VPS13B: variants seen among roughly 807,000 people sequenced by gnomAD.
The protein encoded by VPS13B is intermembrane lipid transfer protein VPS13B.
VPS13B carries 285 observed loss-of-function variants against 426.4 expected under a neutral mutation model. The ratio of observed to expected loss-of-function variants is 0.67; its 90% CI spans 0.61 to 0.74. The LOEUF (loss-of-function observed/expected upper bound fraction) is 0.74. Among genes scored for constraint, VPS13B ranks in the 30% least tolerant of loss-of-function variants. The pLI, the probability that VPS13B is intolerant of heterozygous loss-of-function variation, is 0.00. For missense variants in VPS13B, 4,537 were observed against 4,782.6 expected (o/e 0.95, Z 1.51); for synonymous variants, 1,676 against 1,676.4 (o/e 1.00, Z 0.01).
At position 99,440,299 on chromosome 8, in the gene VPS13B, T is replaced by C. The variant is rs564436828; in HGVS notation, c.3211-2102T>C. On this transcript the variant is annotated intron_variant, in intron 22 of 61. Coordinates refer to ENST00000357162, the MANE Select transcript of VPS13B (RefSeq NM_152564.5). ...GGCTCAGAGGGTCCCAACCAGATGG[T>C]TTCCATGAACATGATCTGACCCCCA... Among the ~76,000 whole-genome samples, 55 of 152,182 alleles carry C rather than the reference T, an allele frequency of 3.6e-4. No individual in the cohort carries two copies. In the South Asian group the frequency reaches 0.011, roughly 30 times the overall value.
At chr8:99,305,270 A>T (rs1215338817) in intron 19 of VPS13B, among the ~76,000 whole-genome samples, 1 of 152,170 alleles carries the variant, frequency 6.6e-6, no homozygotes, top group African/African-American at 2.4e-5. Context: ...GGTGGATCAA[A>T]AATGTTCAGG....
intron 16 of VPS13B, 82 bp from the exon 17 acceptor site, chr8:99,192,794 C>A: frequency 6.7e-7 from 1 of 1,490,062 alleles, no homozygotes; most frequent in African/African-American, 1.4e-5. Context: ...CCCTTTCTTC[C>A]CTTGCAACCT....
chr8:99,585,302 A>G (rs2133826193), intron 33 of VPS13B, among the ~76,000 whole-genome samples: 1 of 152,334 alleles, frequency 6.6e-6, no homozygotes, highest in South Asian at 2.1e-4. Context: ...GGTATGACAT[A>G]GAAGAAATGG....
chr8:99,604,984 AC>A (rs1179708376), intron 33 of VPS13B, among the ~76,000 whole-genome samples: 1 of 152,222 alleles, frequency 6.6e-6, no homozygotes, highest in Non-Finnish European at 1.5e-5. Context: ...ACTCTCAAAA[AC>A]ATTTAAAAAT....
intron 21 of VPS13B, among the ~76,000 whole-genome samples, chr8:99,403,314 C>A (rs1484290588): frequency 6.6e-6 from 1 of 151,996 alleles, no homozygotes; most frequent in African/African-American, 2.4e-5. Flanking sequence ...TTTAAGAGGT[C>A]GAGGTGGGCA....
chr8:99,260,823 A>G (rs1052349002), intron 17 of VPS13B, among the ~76,000 whole-genome samples: 1 of 152,058 alleles, frequency 6.6e-6, no homozygotes, highest in Non-Finnish European at 1.5e-5. Context: ...TTAATTTTCT[A>G]TTTCTAGTCT....
intron 19 of VPS13B, among the ~76,000 whole-genome samples, chr8:99,309,214 T>C (rs375119168): frequency 6.6e-6 from 1 of 152,340 alleles, no homozygotes; most frequent in East Asian, 1.9e-4. Context: ...TTTTGGCTTT[T>C]GTTGCCATTG....
At position 99,096,300 on chromosome 8, in the gene VPS13B, A is replaced by G; in HGVS notation, c.292-12A>G. 1 of 1,613,444 alleles carries G rather than the reference A, an allele frequency of 6.2e-7. No homozygotes were observed. The highest frequency in any genetic ancestry group is 1.3e-5 in the African/African-American group (1 of 74,978). ...CGATGGTTTTCTTTTTCTTTCTTTA[A>G]AATAAAAATAGGATGACCATGAAAG... On this transcript the variant is annotated splice_polypyrimidine_tract_variant and intron_variant, in intron 3 of 61. Coordinates refer to ENST00000357162, the MANE Select transcript of VPS13B (RefSeq NM_152564.5).
chr8:99,817,223 C>T (rs1396632002), intron 44 of VPS13B, among the ~76,000 whole-genome samples: 1 of 151,552 alleles, frequency 6.6e-6, no homozygotes, highest in African/African-American at 2.4e-5. Context: ...CTATCTTCTG[C>T]TTGTGCATGT....
At chr8:99,196,791 C>CT (rs984408861) in intron 17 of VPS13B, among the ~76,000 whole-genome samples, 8 of 151,948 alleles carry the variant, frequency 5.3e-5, no homozygotes, top group Admixed American at 2.0e-4. Flanking sequence ...AATTTAACTT[C>CT]TTTTTTTTCT....
intron 19 of VPS13B, among the ~76,000 whole-genome samples, chr8:99,338,179 T>A (rs571340658): frequency 6.6e-6 from 1 of 152,218 alleles, no homozygotes; most frequent in South Asian, 2.1e-4. Context: ...GTACTATGTG[T>A]TTTTTGTTTT....
At chr8:99,083,805 G>A (rs747239615) in intron 3 of VPS13B, among the ~76,000 whole-genome samples, 28 of 134,422 alleles carry the variant, frequency 2.1e-4, no homozygotes, top group Non-Finnish European at 4.2e-4. Flanking sequence ...CAGGGATGAA[G>A]CCAACTTCAT....
chr8:99,096,336 A>G lies in VPS13B; in HGVS notation c.316A>G (p.Asn106Asp). The G allele has an allele frequency of 1.2e-6, 2 of 1,614,104 alleles. No individual in the cohort carries two copies. The highest frequency in any genetic ancestry group is 1.7e-6 in the Non-Finnish European group (2 of 1,179,968). Residue 106 changes from asparagine to aspartate, a missense_variant, in exon 4 of 62, where the codon AAT becomes GAT. Physicochemically the swap from Asn to Asp is conservative, Grantham distance 23 (BLOSUM62 1). Transcript: ENST00000357162. ...GGATGACCATGAAAGCTGTGGTTCT[A>G]ATTCTACCAACCGTAGTACTGCTGA... ...IQDDHESCGS[N>D]STNRSTAEST...
chr8:99,047,267 C>G (rs1843284542), intron 3 of VPS13B, among the ~76,000 whole-genome samples: 1 of 151,996 alleles, frequency 6.6e-6, no homozygotes, highest in South Asian at 2.1e-4. Context: ...AAGGTTTTAT[C>G]TTTTCAGGGA....
At chr8:99,784,749 C>CTG (rs1187984752) in intron 43 of VPS13B, among the ~76,000 whole-genome samples, 1 of 152,104 alleles carries the variant, frequency 6.6e-6, no homozygotes, top group East Asian at 1.9e-4. Flanking sequence ...TGGATCCTAG[C>CTG]TGTGTGTAAC....
At chr8:99,809,908 A>C (rs1813610140) in intron 44 of VPS13B, among the ~76,000 whole-genome samples, 1 of 152,186 alleles carries the variant, frequency 6.6e-6, no homozygotes, top group Non-Finnish European at 1.5e-5. Flanking sequence ...GCGGATAACC[A>C]AGAGTTGGTT....
At chr8:99,310,732 C>G (rs1820913531) in intron 19 of VPS13B, among the ~76,000 whole-genome samples, 3 of 152,070 alleles carry the variant, frequency 2.0e-5, no homozygotes, top group Non-Finnish European at 4.4e-5. Context: ...CCCTCTTTTT[C>G]TATTGATTGG....
chr8:99,782,910 T>G lies in VPS13B; in HGVS notation c.7780-1405T>G, dbSNP rs573441147. On this transcript the variant is annotated intron_variant, in intron 42 of 61. Transcript: ENST00000357162. ...GGTCTCACTTAGCCAGAAACTCTTT[T>G]GGCGATTAGTGTGACTATGAAGCAA... Among the ~76,000 whole-genome samples the G allele has an allele frequency of 4.1e-4, 62 of 152,268 alleles. 1 individual carries two copies. In the Middle Eastern group the frequency reaches 0.01, roughly 25 times the overall value.
chr8:99,771,649 A>T (rs1015407654), intron 40 of VPS13B, among the ~76,000 whole-genome samples: 2 of 152,196 alleles, frequency 1.3e-5, no homozygotes, highest in African/African-American at 2.4e-5. Context: ...AAGCGTGATG[A>T]TGAATAAGTC....
Sources: gnomAD v4.1 joint callset for allele counts (sites outside exome capture counted in the v4.1 genomes callset) on GRCh38, gnomAD v4.1.1 for gene constraint, MANE v1.5 for transcripts, NCBI Gene and HGNC (gene_info 2026-07-23, HGNC 2026-07-21) for gene names.